The following SRP72 variants were observed in gnomAD, a reference collection of about 807,000 sequenced individuals.
SRP72 encodes the protein signal recognition particle subunit SRP72.
Under a neutral mutation model 96.3 loss-of-function variants are expected in SRP72, and 49 were observed. The observed-to-expected ratio is 0.51, with a 90% CI of 0.40 to 0.65. SRP72 has a LOEUF of 0.65. Ranked by LOEUF, SRP72 falls within the 30% of genes least tolerant of loss-of-function variation. The probability of loss-of-function intolerance (pLI) is 0.00; values close to 1 mark genes in which losing one functional copy is unlikely to be tolerated. For missense variants in SRP72, 736 were observed against 793.3 expected (o/e 0.93, Z 0.87); for synonymous variants, 267 against 275.2 (o/e 0.97, Z 0.30).
intron 17 of SRP72, among the ~76,000 whole-genome samples, chr4:56,499,051 A>G (rs1393461195): frequency 1.3e-5 from 2 of 152,220 alleles, no homozygotes; most frequent in African/African-American, 2.4e-5. Context: ...ACAGAATGGT[A>G]CGGGTACCAA....
chr4:56,501,588 ATTG>A (rs781090359), intron 18 of SRP72, 93 bp from the exon 19 acceptor site: 30 of 1,042,124 alleles, frequency 2.9e-5, no homozygotes, highest in Non-Finnish European at 4.0e-5. Context: ...TGTGTGGGAG[ATTG>A]TTAAGTGTGA....
chr4:56,479,475 G>A (rs184592197), intron 8 of SRP72, among the ~76,000 whole-genome samples: 193 of 151,228 alleles, frequency 1.3e-3, no homozygotes, highest in African/African-American at 4.5e-3. Context: ...CACCGTGCCC[G>A]GCCAGGAACA....
chr4:56,481,450 T>C (rs1222906584), intron 8 of SRP72, among the ~76,000 whole-genome samples: 1 of 152,200 alleles, frequency 6.6e-6, no homozygotes, highest in Non-Finnish European at 1.5e-5. Context: ...TCAATAATTC[T>C]TAATAGGACT....
intron 5 of SRP72, chr4:56,475,804 A>T (rs1017927027): frequency 1.3e-5 from 2 of 152,212 alleles, no homozygotes; most frequent in African/African-American, 4.8e-5. Context: ...CTTTGATCCA[A>T]TAATTTCACT....
chr4:56,476,925 C>A, intron 6 of SRP72: 1 of 491,488 alleles, frequency 2.0e-6, no homozygotes, highest in South Asian at 3.5e-5. Context: ...CTTGATTATA[C>A]ATTTATATAA....
chr4:56,469,582 G>T, intron 1 of SRP72, 71 bp from the exon 2 acceptor site: 1 of 1,431,070 alleles, frequency 7.0e-7, no homozygotes, highest in South Asian at 1.5e-5. Context: ...GAGAGACAGG[G>T]TGGGAAAATT....
At chr4:56,474,837 A>C (rs1303937033) in intron 5 of SRP72, among the ~76,000 whole-genome samples, 1 of 152,184 alleles carries the variant, frequency 6.6e-6, no homozygotes, top group Non-Finnish European at 1.5e-5. Flanking sequence ...GGCGCATGCC[A>C]GAAATGCCCA....
rs1721231610 is a variant in SRP72 at position 56,500,643 on chromosome 4, G to A, written c.1786G>A (p.Asp596Asn). The A allele has an allele frequency of 6.2e-7, 1 of 1,613,796 alleles. No individual in the cohort carries two copies. The highest frequency in any genetic ancestry group is 8.5e-7 in the Non-Finnish European group (1 of 1,179,900). Reference sequence around the variant, plus strand: ...GGGAAGAAAGAAGGGTAAAAAGAAGGATCAGATTGGAAAAGGGACCCAGGG... The same window carrying A: ...GGGAAGAAAGAAGGGTAAAAAGAAGAATCAGATTGGAAAAGGGACCCAGGG... The part of the protein sequence containing the change: ...YRGRKKGKKK[D>N]QIGKGTQGAT... Residue 596 changes from aspartate to asparagine, a missense_variant, in exon 18 of 19, where the codon GAT becomes AAT. Coordinates refer to ENST00000642900, the MANE Select transcript of SRP72 (RefSeq NM_006947.4).
At chr4:56,473,506 C>T (rs62309297) in intron 3 of SRP72, among the ~76,000 whole-genome samples, 2,793 of 150,668 alleles carry the variant, frequency 0.019, 48 homozygotes, top group Middle Eastern at 0.056. Flanking sequence ...CGGTGGCTCA[C>T]GCCTGTAATC....
chr4:56,475,395 A>C (rs1299022430), intron 5 of SRP72, among the ~76,000 whole-genome samples: 1 of 115,700 alleles, frequency 8.6e-6, no homozygotes, highest in Non-Finnish European at 1.7e-5. Context: ...TCGTTTTTAC[A>C]AAAAAAAAAT....
At chr4:56,486,207 C>CA (rs1720704812) in intron 10 of SRP72, 118 bp from the exon 11 acceptor site, 1 of 683,392 alleles carries the variant, frequency 1.5e-6, no homozygotes, top group Non-Finnish European at 2.3e-6. Flanking sequence ...GACCTGCAGC[C>CA]AGAAGTTTAA....
intron 9 of SRP72, 67 bp from the exon 10 acceptor site, chr4:56,484,669 T>C (rs1720635604): frequency 3.1e-6 from 5 of 1,590,328 alleles, no homozygotes; most frequent in Non-Finnish European, 4.3e-6. Flanking sequence ...TTCTTTTCTT[T>C]CTGGTCATTT....
intron 8 of SRP72, 131 bp from the exon 9 acceptor site, chr4:56,483,008 T>A (rs1379341549): frequency 4.2e-6 from 3 of 717,022 alleles, no homozygotes; most frequent in Non-Finnish European, 6.8e-6. Flanking sequence ...TATATGCATC[T>A]TATTAGCTTA....
chr4:56,479,110 A>AATAT (rs960045336), intron 8 of SRP72, among the ~76,000 whole-genome samples: 2 of 151,960 alleles, frequency 1.3e-5, no homozygotes, highest in African/African-American at 4.8e-5. Flanking sequence ...AAATACTATA[A>AATAT]ATATATATAT....
intron 7 of SRP72, 44 bp downstream of exon 7, chr4:56,478,547 T>G: frequency 6.2e-7 from 1 of 1,612,396 alleles, no homozygotes; most frequent in Non-Finnish European, 8.5e-7. Context: ...GATGGGGTTC[T>G]TTTTAAAGGT....
intron 10 of SRP72, among the ~76,000 whole-genome samples, chr4:56,485,332 A>G (rs1252869543): frequency 6.6e-6 from 1 of 150,550 alleles, no homozygotes; most frequent in African/African-American, 2.4e-5. Flanking sequence ...AATTAGGATC[A>G]TCCTGACAGA....
Position 56,484,026 on chromosome 4 carries a change from A to ATTTTTTTTTTTTTTTTTTTTTTTTTTTT in SRP72, c.958-685_958-684insTTTTTTTTTTTTTTTTTTTTTTTTTTTT, listed in dbSNP as rs539665243. On this transcript the variant is annotated intron_variant, in intron 9 of 18. Transcript: ENST00000642900. ...TTTAGTGGGAGACAGAGAAGCAGTAATTTTTTTTTTTTTTTTTTTTTTTTT... is the reference window on the plus strand; with the variant it reads ...TTTAGTGGGAGACAGAGAAGCAGTAATTTTTTTTTTTTTTTTTTTTTTTTTTTTTTTTTTTTTTTTTTTTTTTTTTTTT... 1.7e-4 allele frequency among the ~76,000 whole-genome samples: 15 copies of ATTTTTTTTTTTTTTTTTTTTTTTTTTTT among 86,616 alleles called. 3 individuals are homozygous for ATTTTTTTTTTTTTTTTTTTTTTTTTTTT. Among genetic ancestry groups the ATTTTTTTTTTTTTTTTTTTTTTTTTTTT allele is most frequent in the East Asian group, 1.1e-3 (2 of 1,858 alleles). The allele number at this position is 86,616 out of a possible 152,430, so 56.8% of individuals were successfully genotyped here. A position where few individuals can be genotyped will look rare whatever the true frequency, so the allele number is the denominator to read the frequency against.
rs764129698 is a variant in SRP72, at chr4:56,489,397, T to G, written c.1234T>G (p.Leu412Val). The change falls in exon 13 of 19, where the codon TTA (leucine) becomes GTA (valine). Residue 412 changes from leucine (L) to valine (V), a missense_variant. This residue lies in a region of SRP72 where 388 missense variants were observed against 431.8 expected (regional missense o/e 0.90). Transcript: ENST00000642900. ...LKHKPGMVSA[L>V]VTMYSHEEDI... is the part of the protein sequence containing the mutation. ...ACCTTTGGCTGTGTAGGTATCTGCA[T>G]TAGTTACCATGTATAGCCATGAAGA... The G allele has an allele frequency of 8.8e-6, 14 of 1,588,516 alleles. No individual in the cohort carries two copies. In the South Asian group the frequency reaches 1.6e-4, roughly 18 times the overall value.
chr4:56,471,144 G>C (rs1163318332), intron 2 of SRP72, among the ~76,000 whole-genome samples: 1 of 152,108 alleles, frequency 6.6e-6, no homozygotes, highest in Non-Finnish European at 1.5e-5. Context: ...AAGGACATTA[G>C]CCTTTGCTTT....
Sources: gnomAD v4.1 joint callset for allele counts (sites outside exome capture counted in the v4.1 genomes callset) on GRCh38, gnomAD v4.1.1 for gene constraint, gnomAD v4.1.1 regional missense constraint, MANE v1.5 for transcripts, NCBI Gene and HGNC (gene_info 2026-07-23, HGNC 2026-07-21) for gene names.